FBN1: variants seen among roughly 807,000 people sequenced by gnomAD.
FBN1 encodes fibrillin-1.
In FBN1, 29 loss-of-function variants were observed where a neutral mutation model predicts 365.1. That is an observed-to-expected ratio of 0.08 (90% CI 0.06 to 0.11). FBN1 has a LOEUF of 0.11. Among genes scored for constraint, FBN1 ranks in the 10% least tolerant of loss-of-function variants. The pLI is 1.00. For synonymous variants in FBN1, 1,210 were observed against 1,270.5 expected (o/e 0.95, Z 1.01); for missense variants, 2,476 against 3,703.2 (o/e 0.67, Z 8.60).
chr15:48,610,857 T>C, intron 3 of FBN1, 31 bp from the exon 4 acceptor site: 1 of 1,583,824 alleles, frequency 6.3e-7, no homozygotes, highest in South Asian at 1.1e-5. Context: ...TGTTAGCACA[T>C]GGATTTGGAA....
chr15:48,572,014 C>T (rs1200090440), intron 6 of FBN1, among the ~76,000 whole-genome samples: 1 of 152,094 alleles, frequency 6.6e-6, no homozygotes, highest in African/African-American at 2.4e-5. Flanking sequence ...CAAATATTAA[C>T]TGTGATTATA....
intron 44 of FBN1, among the ~76,000 whole-genome samples, chr15:48,456,269 G>T (rs17458021): frequency 0.014 from 2,168 of 152,338 alleles, 38 homozygotes; most frequent in Non-Finnish European, 0.024. Flanking sequence ...GTCTGGAAGA[G>T]AAATGATTTT....
chr15:48,639,945 G>T (rs150478351), intron 2 of FBN1, among the ~76,000 whole-genome samples: 38 of 152,258 alleles, frequency 2.5e-4, no homozygotes, highest in East Asian at 1.7e-3. Flanking sequence ...CTTACTGGAA[G>T]AAAAAGCCAA....
At chr15:48,607,527 T>TAA (rs11417261) in intron 4 of FBN1, among the ~76,000 whole-genome samples, 72 of 146,550 alleles carry the variant, frequency 4.9e-4, no homozygotes, top group African/African-American at 1.0e-3. Flanking sequence ...AGTATCCTTA[T>TAA]AAAAAAAAAA....
Position 48,495,484 on chromosome 15 carries a change from T to C in FBN1, c.2524A>G (p.Lys842Glu). The change falls in exon 21 of 66, where the codon AAA (lysine) becomes GAA (glutamate). Residue 842 changes from lysine to glutamate, a missense_variant. Lys to Glu is a moderately conservative substitution (Grantham distance 56). Transcript: ENST00000316623. ...CSSESTLDPT[K>E]TICIETIKGT... ...AGATAAATACCTATGCAGATGGTTT[T>C]TGTTGGATCCAAAGTACTTTCAGAA... 1 of 1,614,104 alleles carries C rather than the reference T, an allele frequency of 6.2e-7. No individual in the cohort carries two copies. The highest frequency in any genetic ancestry group is 8.5e-7 in the Non-Finnish European group (1 of 1,180,012).
At chr15:48,422,850 C>G (rs1639773811) in intron 60 of FBN1, among the ~76,000 whole-genome samples, 1 of 152,008 alleles carries the variant, frequency 6.6e-6, no homozygotes, top group South Asian at 2.1e-4. Flanking sequence ...TCCCAGCTAC[C>G]TGGGAGGCAG....
chr15:48,596,236 T>G, intron 6 of FBN1, 47 bp downstream of exon 6: 1 of 1,539,524 alleles, frequency 6.5e-7, no homozygotes, highest in African/African-American at 1.4e-5. Context: ...TAGTAACAGC[T>G]TTAGGTACCA....
At position 48,422,075 on chromosome 15, in the gene FBN1, G is replaced by C; in HGVS notation, c.7454-7C>G. The stretch of plus-strand genomic sequence containing the variant: ...GTTGCACACTCATCAAGATCTACAA[G>C]AAAATGCAAGAGAGGCATTTGAGTC... On this transcript the variant is annotated splice_polypyrimidine_tract_variant and splice_region_variant and intron_variant, in intron 60 of 65. Coordinates refer to ENST00000316623, the MANE Select transcript of FBN1 (RefSeq NM_000138.5). 6.3e-7 allele frequency: 1 copy of C among 1,592,128 alleles called. No homozygotes were observed. The highest frequency in any genetic ancestry group is 8.6e-7 in the Non-Finnish European group (1 of 1,160,180).
At chr15:48,418,905 C>A (rs1044650862) in intron 63 of FBN1, among the ~76,000 whole-genome samples, 6 of 152,154 alleles carry the variant, frequency 3.9e-5, no homozygotes, top group African/African-American at 1.4e-4. Context: ...TTCTTTTACT[C>A]ATTTTCTCTA....
At chr15:48,525,996 T>A in intron 9 of FBN1, 134 bp downstream of exon 9, 1 of 1,214,602 alleles carries the variant, frequency 8.2e-7, no homozygotes, top group South Asian at 1.2e-5. Flanking sequence ...GTCAACTGTT[T>A]AACATTTTTC....
rs1433264110 is a variant in FBN1, at chr15:48,515,487, G to C, written c.1368C>G (p.Val456=). ...AGCGTCCATTTTGACAGAGATAGCG[G>C]ACCAACTGGCAGTAATCAGTAACGT... ...PVNVTDYCQL[V]RYLCQNGRCI... is the part of the protein sequence containing the mutation. Residue 456 remains valine, a synonymous_variant, in exon 12 of 66, where the codon GTC becomes GTG. Transcript: ENST00000316623. 7 of 1,614,014 alleles carry C rather than the reference G, an allele frequency of 4.3e-6. No homozygotes were observed. The Admixed American group carries it at 6.7e-5, about 15-fold the overall frequency.
rs1313234034 is a variant in FBN1, at chr15:48,428,163, T to C, written c.6997+183A>G. ...GGATCCAATTAGCAAAGGAAGAATTTAGCTGCAGGGTGGTGCTGAGCCCAA... is the reference window on the plus strand; with the variant it reads ...GGATCCAATTAGCAAAGGAAGAATTCAGCTGCAGGGTGGTGCTGAGCCCAA... On this transcript the variant is annotated intron_variant, in intron 57 of 65. Coordinates refer to ENST00000316623, the MANE Select transcript of FBN1 (RefSeq NM_000138.5). The C allele has an allele frequency of 5.3e-6, 4 of 755,296 alleles. No individual in the cohort carries two copies. In the East Asian group the frequency reaches 1.1e-4, roughly 20 times the overall value. 46.8% of individuals were successfully genotyped at this position (755,296 alleles called of 1,614,324 possible). A position where few individuals can be genotyped will look rare whatever the true frequency, so the allele number is the denominator to read the frequency against.
At chr15:48,547,077 T>C (rs1391030187) in intron 6 of FBN1, among the ~76,000 whole-genome samples, 2 of 152,192 alleles carry the variant, frequency 1.3e-5, no homozygotes, top group Admixed American at 6.5e-5. Context: ...TAAATCTTAA[T>C]GCTATCAAAA....
At chr15:48,474,006 A>T (rs1022512336) in intron 34 of FBN1, among the ~76,000 whole-genome samples, 1 of 152,144 alleles carries the variant, frequency 6.6e-6, no homozygotes, top group African/African-American at 2.4e-5. Flanking sequence ...ACTGTAAATG[A>T]TGTGATAATG....
intron 24 of FBN1, 89 bp from the exon 25 acceptor site, chr15:48,490,167 C>T: frequency 9.2e-7 from 1 of 1,089,794 alleles, no homozygotes; most frequent in Non-Finnish European, 1.4e-6. Flanking sequence ...AAATACTGCA[C>T]ACATAATAAT....
intron 13 of FBN1, among the ~76,000 whole-genome samples, chr15:48,511,880 T>C (rs879877392): frequency 5.9e-5 from 9 of 152,228 alleles, no homozygotes; most frequent in Non-Finnish European, 7.3e-5. Flanking sequence ...TAACCACCTC[T>C]CTTTGCTTAT....
At chr15:48,527,425 G>A (rs1482002511) in intron 8 of FBN1, among the ~76,000 whole-genome samples, 5 of 152,356 alleles carry the variant, frequency 3.3e-5, no homozygotes, top group South Asian at 4.1e-4. Flanking sequence ...CAGGGAATCT[G>A]CATGGCCTCC....
intron 46 of FBN1, among the ~76,000 whole-genome samples, chr15:48,447,653 A>G (rs1286904180): frequency 6.6e-6 from 1 of 150,730 alleles, no homozygotes; most frequent in African/African-American, 2.5e-5. Flanking sequence ...ATGAAGAGGG[A>G]CAAGGATGAA....
intron 38 of FBN1, 79 bp from the exon 39 acceptor site, chr15:48,465,937 A>G: frequency 1.1e-6 from 1 of 927,678 alleles, no homozygotes; most frequent in Non-Finnish European, 1.7e-6. Context: ...AAATACTCAC[A>G]TATCCAACTG....
Sources: gnomAD v4.1 joint callset for allele counts (sites outside exome capture counted in the v4.1 genomes callset) on GRCh38, gnomAD v4.1.1 for gene constraint, MANE v1.5 for transcripts, NCBI Gene and HGNC (gene_info 2026-07-23, HGNC 2026-07-21) for gene names.